The following ZNF518B variants were observed in gnomAD, a reference collection of about 807,000 sequenced individuals.
ZNF518B encodes zinc finger protein 518B.
A neutral mutation model predicts 56.3 loss-of-function variants in ZNF518B; 23 were observed. That is an observed-to-expected ratio of 0.41 (90% CI 0.29 to 0.58). The LOEUF (loss-of-function observed/expected upper bound fraction) is 0.58, where lower values mean the gene tolerates loss of function less well. Ranked by LOEUF, ZNF518B falls within the 20% of genes least tolerant of loss-of-function variation. ZNF518B has a pLI of 0.32. For synonymous variants in ZNF518B, 529 were observed against 465.9 expected, an observed-to-expected ratio of 1.14 and a Z score of -1.74; for missense variants, 1,460 against 1,272.1, an observed-to-expected ratio of 1.15 and a Z score of -2.25.
chr4:10,460,999 G>A (rs1577231689), upstream of ZNF518B, among the ~76,000 whole-genome samples: 4 of 152,290 alleles, frequency 2.6e-5, no homozygotes, highest in East Asian at 5.8e-4. Flanking sequence ...ATCTGTAAAG[G>A]AGGGATAAAG....
At position 10,443,485 on chromosome 4, in the gene ZNF518B, G is replaced by A; in HGVS notation, c.2844C>T (p.His948=). Residue 948 remains histidine (H), a synonymous_variant, in exon 3 of 3, where the codon CAC becomes CAT. Coordinates refer to ENST00000326756, the MANE Select transcript of ZNF518B (RefSeq NM_053042.3). ...RRNQPVIVLN[H]PDVDSPEVTN... The stretch of plus-strand genomic sequence containing the variant: ...TCACTTCTGGCGAGTCCACATCAGG[G>A]TGGTTTAACACAATGACTGGCTGGT... 1.9e-6 allele frequency: 3 copies of A among 1,614,086 alleles called. No homozygotes were observed. Among genetic ancestry groups the A allele is most frequent in the South Asian group, 2.2e-5 (2 of 91,076 alleles).
upstream of ZNF518B, among the ~76,000 whole-genome samples, chr4:10,461,289 C>T (rs994116998): frequency 6.6e-6 from 1 of 152,254 alleles, no homozygotes; most frequent in Non-Finnish European, 1.5e-5. Context: ...CGGCGCAGGC[C>T]CACTCTCTTG....
chr4:10,459,649 A>T (rs1175767041), upstream of ZNF518B, among the ~76,000 whole-genome samples: 2 of 152,132 alleles, frequency 1.3e-5, no homozygotes, highest in Non-Finnish European at 2.9e-5. Flanking sequence ...CTGTGAAGAG[A>T]CGCAGAGAAG....
intron 2 of ZNF518B, chr4:10,454,089 C>G (rs1463275388): frequency 6.6e-6 from 1 of 152,234 alleles, no homozygotes; most frequent in Non-Finnish European, 1.5e-5. Flanking sequence ...CCTGATACTA[C>G]AGGTGCAGGT....
Position 10,445,543 on chromosome 4 carries a change from AC to A in ZNF518B, c.785del (p.Gly262ValfsTer27), listed in dbSNP as rs1560170937. 1 of 1,614,176 alleles carries A rather than the reference AC, an allele frequency of 6.2e-7. No homozygotes were observed. ...FQNKWSDQLS[G>X]FSLHANKDKM... ...TGTCTTTATTTGCATGGAGAGAGAAACCTGACAGTTGGTCTGACCACTTATT... is the reference window on the plus strand; with the variant it reads ...TGTCTTTATTTGCATGGAGAGAGAAACTGACAGTTGGTCTGACCACTTATT... On this transcript the variant is annotated frameshift_variant, in exon 3 of 3. Coordinates refer to ENST00000326756, the MANE Select transcript of ZNF518B (RefSeq NM_053042.3). LOFTEE classifies it high-confidence loss of function.
intron 2 of ZNF518B, among the ~76,000 whole-genome samples, chr4:10,450,583 C>T (rs1715261127): frequency 6.6e-6 from 1 of 152,168 alleles, no homozygotes; most frequent in African/African-American, 2.4e-5. Flanking sequence ...TCAGCCCGTC[C>T]CTTCCACACA....
Position 10,443,034 on chromosome 4 carries a change from G to C in ZNF518B, c.*70C>G. On this transcript the variant is annotated 3_prime_UTR_variant, in exon 3 of 3. Transcript: ENST00000326756. Reference sequence around the variant, plus strand: ...TTCTACAGTCTGTATTTCTTCTACTGAATCTTGGTGGAGGGACTCCAAACC... The same window carrying C: ...TTCTACAGTCTGTATTTCTTCTACTCAATCTTGGTGGAGGGACTCCAAACC... 12 of 1,352,354 alleles carry C rather than the reference G, an allele frequency of 8.9e-6. No homozygotes were observed. The highest frequency in any genetic ancestry group is 8.1e-6 in the Non-Finnish European group (8 of 989,206). The allele number at this position is 1,352,354 out of a possible 1,614,324, so 83.8% of individuals were successfully genotyped here. A position where few individuals can be genotyped will look rare whatever the true frequency, so the allele number is the denominator to read the frequency against.
At chr4:10,451,329 G>T (rs1416874470) in intron 2 of ZNF518B, 1 of 152,208 alleles carries the variant, frequency 6.6e-6, no homozygotes, top group Admixed American at 6.5e-5. Flanking sequence ...AATAAAATTT[G>T]AAGAGAAGTA....
In ZNF518B at chr4:10,455,087, T is replaced by G. The variant is rs564836591; in HGVS notation, c.-395-99A>C. 12 of 152,310 alleles carry G rather than the reference T, an allele frequency of 7.9e-5. No individual in the cohort carries two copies. In the Middle Eastern group the frequency reaches 0.014, roughly 173 times the overall value. 9.4% of individuals were successfully genotyped at this position (152,310 alleles called of 1,614,324 possible). On this transcript the variant is annotated intron_variant, in intron 1 of 2. Transcript: ENST00000326756. Reference sequence around the variant, plus strand: ...AAGGGGAATGAGCCCCAGAAGTGGTTCTCAAGCAGGGGTGTATGGCAAAGT... The same window carrying G: ...AAGGGGAATGAGCCCCAGAAGTGGTGCTCAAGCAGGGGTGTATGGCAAAGT...
Position 10,444,936 on chromosome 4 carries a change from T to C in ZNF518B, c.1393A>G (p.Lys465Glu). 4.3e-6 allele frequency: 7 copies of C among 1,611,128 alleles called. No homozygotes were observed. The highest frequency in any genetic ancestry group is 4.2e-6 in the Non-Finnish European group (5 of 1,179,134). The change falls in exon 3 of 3, where the codon AAA (lysine) becomes GAA (glutamate). Residue 465 changes from lysine to glutamate, a missense_variant. Transcript: ENST00000326756. ...CTATGTGGATACAAATTATTTTTTT[T>C]CTGAAAATCCTCAATTGTTTCCGAA... ...INSETIEDFQKKNNLYPHRTA... is the reference protein window; with the variant it reads ...INSETIEDFQEKNNLYPHRTA...
intron 2 of ZNF518B, chr4:10,450,928 C>T (rs966523781): frequency 2.6e-5 from 4 of 152,120 alleles, no homozygotes; most frequent in Non-Finnish European, 5.9e-5. Flanking sequence ...ATTAATCTGC[C>T]TGTTTTCAAA....
upstream of ZNF518B, among the ~76,000 whole-genome samples, chr4:10,460,674 T>C (rs1715719080): frequency 6.6e-6 from 1 of 152,186 alleles, no homozygotes; most frequent in Admixed American, 6.5e-5. Flanking sequence ...AGTGGGGAGC[T>C]TGGGGCTCAG....
At chr4:10,448,949 T>G (rs1715185204) in intron 2 of ZNF518B, among the ~76,000 whole-genome samples, 1 of 152,152 alleles carries the variant, frequency 6.6e-6, no homozygotes, top group East Asian at 1.9e-4. Context: ...AAGCAAGAAC[T>G]TACCTGCATC....
chr4:10,444,258 A>C lies in ZNF518B; in HGVS notation c.2071T>G (p.Ser691Ala), dbSNP rs143047499. The C allele has an allele frequency of 1.2e-6, 2 of 1,614,196 alleles. No individual in the cohort carries two copies. Among genetic ancestry groups the C allele is most frequent in the Non-Finnish European group, 8.5e-7 (1 of 1,180,034 alleles). Reference sequence around the variant, plus strand: ...GTTCCCTTTGATGCCTGCCCTACAGAGCGACGATGTGCACTATTTGAAGCC... The same window carrying C: ...GTTCCCTTTGATGCCTGCCCTACAGCGCGACGATGTGCACTATTTGAAGCC... Reference protein sequence around the residue: ...SLASNSAHRRSVGQASKGTSK... With the variant: ...SLASNSAHRRAVGQASKGTSK... Residue 691 changes from serine (S) to alanine (A), a missense_variant, in exon 3 of 3, where the codon TCT (serine) becomes GCT (alanine). By Grantham distance (99) the Ser-to-Ala change is moderately conservative. Coordinates refer to ENST00000326756, the MANE Select transcript of ZNF518B (RefSeq NM_053042.3).
At chr4:10,450,871 A>G (rs1030571611) in intron 2 of ZNF518B, 3 of 152,362 alleles carry the variant, frequency 2.0e-5, no homozygotes, top group Non-Finnish European at 4.4e-5. Context: ...GAAAACACAG[A>G]AAAGAATACC....
Position 10,443,738 on chromosome 4 carries a change from A to G in ZNF518B, c.2591T>C (p.Leu864Ser), listed in dbSNP as rs1714800602. 6.2e-7 allele frequency: 1 copy of G among 1,614,172 alleles called. No individual in the cohort carries two copies. Among genetic ancestry groups the G allele is most frequent in the Admixed American group, 1.7e-5 (1 of 60,018 alleles). ...CSTIHRKTGL[L>S]YGQQGSSELN... Reference sequence around the variant, plus strand: ...TTCACTGCTTCCTTGCTGTCCATACAAGAGGCCAGTTTTTCTATGGATGGT... The same window carrying G: ...TTCACTGCTTCCTTGCTGTCCATACGAGAGGCCAGTTTTTCTATGGATGGT... The change falls in exon 3 of 3, where the codon TTG (leucine) becomes TCG (serine). Residue 864 changes from leucine (L) to serine (S), a missense_variant. Transcript: ENST00000326756.
rs1294151777 is a variant in ZNF518B, at chr4:10,442,047, A to T, written c.*1057T>A. ...AGAAAGGAAGAAACAGTGGGCAAGGAAGTTGTGCTAGTCCACAGGAGGGCC... is the reference window on the plus strand; with the variant it reads ...AGAAAGGAAGAAACAGTGGGCAAGGTAGTTGTGCTAGTCCACAGGAGGGCC... On this transcript the variant is annotated 3_prime_UTR_variant, in exon 3 of 3. Coordinates refer to ENST00000326756, the MANE Select transcript of ZNF518B (RefSeq NM_053042.3). The T allele has an allele frequency of 6.6e-6, 1 of 152,216 alleles. No individual in the cohort carries two copies. The highest frequency in any genetic ancestry group is 1.5e-5 in the Non-Finnish European group (1 of 68,052). The allele number at this position is 152,216 out of a possible 1,614,324, so 9.4% of individuals were successfully genotyped here. A position where few individuals can be genotyped will look rare whatever the true frequency, so the allele number is the denominator to read the frequency against.
rs1714678057 is a variant in ZNF518B, at chr4:10,441,469, A to G, written c.*1635T>C. ...AAAAAAAAAAAAATCAAAGTCTCCA[A>G]TCGACTACCCAATAAACAATCACTG... On this transcript the variant is annotated 3_prime_UTR_variant, in exon 3 of 3. Transcript: ENST00000326756. The G allele has an allele frequency of 6.6e-6, 1 of 152,026 alleles. No individual in the cohort carries two copies. The highest frequency in any genetic ancestry group is 6.6e-5 in the Admixed American group (1 of 15,230). 9.4% of individuals were successfully genotyped at this position (152,026 alleles called of 1,614,324 possible).
rs772610646 is a variant in ZNF518B, at chr4:10,446,105, T to C, written c.224A>G (p.Gln75Arg). The change falls in exon 3 of 3, where the codon CAG becomes CGG. Residue 75 changes from glutamine (Q) to arginine (R), a missense_variant. Physicochemically the swap from Gln to Arg is conservative, Grantham distance 43. Transcript: ENST00000326756. ...SVHKISLQDLQKGTGKDGMYV... is the reference protein window; with the variant it reads ...SVHKISLQDLRKGTGKDGMYV... ...CATACCGTCCTTCCCTGTACCCTTC[T>C]GCAAATCTTGAAGAGAGATCTTGTG... is the stretch of plus-strand genomic sequence containing the variant. 1 of 1,614,200 alleles carries C rather than the reference T, an allele frequency of 6.2e-7. No homozygotes were observed. The highest frequency in any genetic ancestry group is 8.5e-7 in the Non-Finnish European group (1 of 1,180,026).
Sources: allele counts gnomAD v4.1 joint callset (sites outside exome capture counted in the v4.1 genomes callset), GRCh38; gene constraint gnomAD v4.1.1; transcripts MANE v1.5; gene names NCBI Gene and HGNC (gene_info 2026-07-23, HGNC 2026-07-21).